The following CBLN2 variants were observed in gnomAD, a reference collection of about 807,000 sequenced individuals.
CBLN2 encodes cerebellin 2 precursor.
A neutral mutation model predicts 15.0 loss-of-function variants in CBLN2; 7 were observed. That is an observed-to-expected ratio of 0.47 (90% CI 0.27 to 0.88). The LOEUF (loss-of-function observed/expected upper bound fraction) is 0.88. Ranked by LOEUF, CBLN2 falls within the 40% of genes least tolerant of loss-of-function variation. CBLN2 has a pLI of 0.14. For synonymous variants in CBLN2, 149 were observed against 135.2 expected (o/e 1.10, Z -0.71); for missense variants, 242 against 304.5 (o/e 0.79, Z 1.53).
intron 4 of CBLN2, 70 bp downstream of exon 4, chr18:72,538,583 G>A (rs1422932304): frequency 1.9e-6 from 3 of 1,594,042 alleles, no homozygotes; most frequent in Non-Finnish European, 2.6e-6. Flanking sequence ...CAGAGACCAG[G>A]TGAAGGGGCC....
chr18:72,567,990 TTTG>T (rs1311220437), intron 1 of CBLN2, among the ~76,000 whole-genome samples: 2 of 152,206 alleles, frequency 1.3e-5, no homozygotes, highest in African/African-American at 2.4e-5. Context: ...ACAGTTCTTT[TTTG>T]TTGTTGTTGT....
intron 1 of CBLN2, among the ~76,000 whole-genome samples, chr18:72,627,405 T>C (rs535788945): frequency 5.3e-5 from 8 of 152,210 alleles, no homozygotes; most frequent in Non-Finnish European, 1.2e-4. Flanking sequence ...GTTAGTAATA[T>C]AATAATAATA....
chr18:72,607,370 T>C (rs1362022514), intron 1 of CBLN2, among the ~76,000 whole-genome samples: 1 of 152,208 alleles, frequency 6.6e-6, no homozygotes, highest in African/African-American at 2.4e-5. Flanking sequence ...CCGCCCCACT[T>C]GGAAATGCAC....
At chr18:72,615,072 T>G (rs2069648354) in intron 1 of CBLN2, among the ~76,000 whole-genome samples, 1 of 137,974 alleles carries the variant, frequency 7.2e-6, no homozygotes, top group African/African-American at 2.7e-5. Context: ...TATATATTTA[T>G]ATATTATAGA....
intron 1 of CBLN2, among the ~76,000 whole-genome samples, chr18:72,587,071 TA>T (rs1379912838): frequency 3.9e-5 from 6 of 151,910 alleles, no homozygotes; most frequent in Admixed American, 6.6e-5. Flanking sequence ...TAATAATATA[TA>T]AAAAATATAT....
In CBLN2 at chr18:72,564,758, C is replaced by T. The variant is rs559155107; in HGVS notation, c.16-25986G>A. 2.6e-5 allele frequency among the ~76,000 whole-genome samples: 4 copies of T among 152,206 alleles called. No homozygotes were observed. The South Asian group carries it at 8.3e-4, about 32-fold the overall frequency. On this transcript the variant is annotated intron_variant, in intron 1 of 2. Transcript: ENST00000581073. Reference sequence around the variant, plus strand: ...TTAATAAAATGATAGCTAAAAACTTCCCAAGTTTTGGGAGAGATGTGAACA... The same window carrying T: ...TTAATAAAATGATAGCTAAAAACTTTCCAAGTTTTGGGAGAGATGTGAACA...
intron 1 of CBLN2, among the ~76,000 whole-genome samples, chr18:72,570,729 T>C (rs981496396): frequency 6.6e-6 from 1 of 152,100 alleles, no homozygotes; most frequent in Non-Finnish European, 1.5e-5. Flanking sequence ...ATGAAACTCA[T>C]GACACAAAGT....
At chr18:72,637,463 A>G (rs934473756) in intron 1 of CBLN2, among the ~76,000 whole-genome samples, 2 of 152,214 alleles carry the variant, frequency 1.3e-5, no homozygotes, top group Non-Finnish European at 2.9e-5. Context: ...ACACCCCAGC[A>G]GCTGGTGGTT....
chr18:72,602,305 C>G (rs558438711), intron 1 of CBLN2, among the ~76,000 whole-genome samples: 3 of 152,208 alleles, frequency 2.0e-5, no homozygotes, highest in Non-Finnish European at 4.4e-5. Context: ...CTGTTGCCGG[C>G]GGCTGTGCTC....
rs2069367786 is a variant in CBLN2, at chr18:72,576,523, A to G, written c.16-37751T>C. Among the ~76,000 whole-genome samples, 6 of 152,224 alleles carry G rather than the reference A, an allele frequency of 3.9e-5. 1 individual carries two copies. The South Asian group carries it at 1.2e-3, about 32-fold the overall frequency. ...AATGAAATGAAAAGGTAGTGATTTT[A>G]AAACTTATAAATGTTTTATAATACG... On this transcript the variant is annotated intron_variant, in intron 1 of 2. Coordinates refer to the CBLN2 transcript ENST00000581073.
chr18:72,633,052 T>G lies in CBLN2; in HGVS notation c.15+5273A>C, dbSNP rs80304480. ...TGTTAAATGAAAAAGTCGCTTCGATTGTTTCATTACCTAATTTTGAGTAAT... is the reference window on the plus strand; with the variant it reads ...TGTTAAATGAAAAAGTCGCTTCGATGGTTTCATTACCTAATTTTGAGTAAT... On this transcript the variant is annotated intron_variant, in intron 1 of 2. Coordinates refer to the CBLN2 transcript ENST00000581073. Among the ~76,000 whole-genome samples, 107 of 152,330 alleles carry G rather than the reference T, an allele frequency of 7.0e-4. 1 individual carries two copies. The East Asian group carries it at 0.018, about 26-fold the overall frequency.
chr18:72,544,913 T>A (rs28448675), upstream of CBLN2, among the ~76,000 whole-genome samples: 1,320 of 151,838 alleles, frequency 8.7e-3, 16 homozygotes, highest in African/African-American at 0.03. Context: ...GATTTTTTTT[T>A]AAAACATGGT....
At chr18:72,608,896 G>A (rs1215683568) in intron 1 of CBLN2, among the ~76,000 whole-genome samples, 3 of 152,218 alleles carry the variant, frequency 2.0e-5, no homozygotes, top group Non-Finnish European at 4.4e-5. Flanking sequence ...ATGATGGCAG[G>A]CAAGGGAGCT....
rs2069076366 is a variant in CBLN2 at position 72,537,790 on chromosome 18, C to A, written c.*386G>T. ...GGGCTCCTACTTCAAGCCCTGACTG[C>A]AACCTGCAGCCCATCCTGGAGTCAG... is the stretch of plus-strand genomic sequence containing the variant. On this transcript the variant is annotated 3_prime_UTR_variant, in exon 5 of 5. Coordinates refer to ENST00000269503, the MANE Select transcript of CBLN2 (RefSeq NM_182511.4). The A allele has an allele frequency of 7.0e-6, 2 of 285,730 alleles. No homozygotes were observed. The highest frequency in any genetic ancestry group is 5.0e-5 in the Admixed American group (1 of 20,030). The allele number at this position is 285,730 out of a possible 1,614,324, so 17.7% of individuals were successfully genotyped here. A position where few individuals can be genotyped will look rare whatever the true frequency, so the allele number is the denominator to read the frequency against.
intron 1 of CBLN2, among the ~76,000 whole-genome samples, chr18:72,637,741 C>T (rs1432294779): frequency 6.6e-6 from 1 of 152,214 alleles, no homozygotes; most frequent in Non-Finnish European, 1.5e-5. Context: ...GGGGAACCCC[C>T]CATCCCACCT....
chr18:72,595,272 A>T (rs2069505784), intron 1 of CBLN2, among the ~76,000 whole-genome samples: 1 of 151,404 alleles, frequency 6.6e-6, no homozygotes, highest in Admixed American at 6.6e-5. Context: ...TTCTGTCTTA[A>T]TTTTTTTATT....
chr18:72,589,127 C>T (rs1009439332), intron 1 of CBLN2, among the ~76,000 whole-genome samples: 2 of 152,086 alleles, frequency 1.3e-5, no homozygotes, highest in South Asian at 2.1e-4. Context: ...GCCACAAGAA[C>T]GTCAATTGCG....
At chr18:72,615,430 C>T (rs1044998619) in intron 1 of CBLN2, among the ~76,000 whole-genome samples, 2 of 151,336 alleles carry the variant, frequency 1.3e-5, no homozygotes, top group African/African-American at 4.9e-5. Flanking sequence ...CCATGCGCCA[C>T]CATGCCCAGC....
chr18:72,563,564 T>C (rs936447169), intron 1 of CBLN2, among the ~76,000 whole-genome samples: 53 of 152,006 alleles, frequency 3.5e-4, no homozygotes, highest in Admixed American at 3.4e-3. Context: ...GATGGCCACA[T>C]AGAGAAAAGA....
Sources: gnomAD v4.1 joint callset for allele counts (sites outside exome capture counted in the v4.1 genomes callset) on GRCh38, gnomAD v4.1.1 for gene constraint, MANE v1.5 for transcripts, NCBI Gene and HGNC (gene_info 2026-07-23, HGNC 2026-07-21) for gene names.